Variants in STAU1 observed in about 807,000 individuals in gnomAD.
The protein encoded by STAU1 is staufen double-stranded RNA binding protein 1, also known as double-stranded RNA-binding protein Staufen homolog 1.
Under a neutral mutation model 62.9 loss-of-function variants are expected in STAU1, and 13 were observed. The ratio of observed to expected loss-of-function variants is 0.21; its 90% CI spans 0.13 to 0.33. STAU1 has a LOEUF of 0.33. STAU1 is among the 10% of genes least tolerant of loss of function. The probability of loss-of-function intolerance (pLI) is 1.00; values close to 1 mark genes in which losing one functional copy is unlikely to be tolerated. For synonymous variants in STAU1, 269 were observed against 265.1 expected (o/e 1.01, Z -0.14); for missense variants, 571 against 712.1 (o/e 0.80, Z 2.25).
the STAU1 span, among the ~76,000 whole-genome samples, chr20:49,194,006 G>A: frequency 1.3e-5 from 2 of 152,028 alleles, no homozygotes; most frequent in African/African-American, 4.8e-5. Context: ...AAATTGGTGA[G>A]GAAAAGATAG....
intron 1 of STAU1, among the ~76,000 whole-genome samples, chr20:49,183,779 G>A (rs1401261930): frequency 2.6e-5 from 4 of 152,104 alleles, no homozygotes; most frequent in Non-Finnish European, 5.9e-5. Flanking sequence ...TAGGTTCTTG[G>A]AAACTGAGAC....
the STAU1 span, among the ~76,000 whole-genome samples, chr20:49,202,230 A>AAAAGAAAGAAAGAAATAAAG: frequency 7.7e-6 from 1 of 130,366 alleles, no homozygotes; most frequent in African/African-American, 2.9e-5. Flanking sequence ...AAAAAAAAAA[A>AAAAGAAAGAAAGAAATAAAG]AAAGAAAGAA....
chr20:49,204,636 A>ATG, the STAU1 span, among the ~76,000 whole-genome samples: 1 of 55,948 alleles, frequency 1.8e-5, no homozygotes. Context: ...GTATATATAT[A>ATG]TATATATATA....
Position 49,129,630 on chromosome 20 carries a change from CTTTTTTT to C in STAU1, c.610-5050_610-5044del, listed in dbSNP as rs558925613. On this transcript the variant is annotated intron_variant, in intron 6 of 13. Coordinates refer to ENST00000371856, the MANE Select transcript of STAU1 (RefSeq NM_017453.4). ...TCTGGTTTAGAAAACAGTTTGGCAA[CTTTTTTT>C]TTTTTTTTTTTTTTTTTGAGACAGT... is the stretch of plus-strand genomic sequence containing the variant. Among the ~76,000 whole-genome samples, 143 of 96,674 alleles carry C rather than the reference CTTTTTTT, an allele frequency of 1.5e-3. 1 individual carries two copies. The highest frequency in any genetic ancestry group is 5.8e-3 in the African/African-American group (131 of 22,578). The allele number at this position is 96,674 out of a possible 152,430, so 63.4% of individuals were successfully genotyped here. A position where few individuals can be genotyped will look rare whatever the true frequency, so the allele number is the denominator to read the frequency against.
rs1222860350 is a variant in STAU1, at chr20:49,114,870, G to A, written c.*8C>T. 6.2e-7 allele frequency: 1 copy of A among 1,613,350 alleles called. No individual in the cohort carries two copies. The highest frequency in any genetic ancestry group is 1.7e-5 in the Admixed American group (1 of 59,972). On this transcript the variant is annotated 3_prime_UTR_variant, in exon 14 of 14. Transcript: ENST00000371856. ...GGGATTTTATAATGGTTCATGGCCA[G>A]AAAAGGTTCAGCACCTCCCACACCT...
intron 3 of STAU1, chr20:49,158,418 A>G: frequency 7.7e-7 from 1 of 1,304,348 alleles, no homozygotes; most frequent in Non-Finnish European, 1.0e-6. Context: ...TTGGTGCCTT[A>G]AGGGGTGAGG....
chr20:49,159,465 AAAGTTAATAAAGG>A, intron 3 of STAU1, among the ~76,000 whole-genome samples: 1 of 152,360 alleles, frequency 6.6e-6, no homozygotes, highest in African/African-American at 2.4e-5. Context: ...AATATAATAA[AAAGTTAATAAAGG>A]GAATCCCGAA....
At chr20:49,204,811 G>A in the STAU1 span, among the ~76,000 whole-genome samples, 1 of 151,012 alleles carries the variant, frequency 6.6e-6, no homozygotes, top group East Asian at 1.9e-4. Flanking sequence ...ACCATGCCTG[G>A]CTAATTTTTT....
intron 4 of STAU1, among the ~76,000 whole-genome samples, chr20:49,153,250 A>AG (rs977321548): frequency 7.8e-5 from 8 of 102,922 alleles, no homozygotes; most frequent in African/African-American, 2.1e-4. Flanking sequence ...ACTCCGTCTC[A>AG]GAAAAAAAAA....
chr20:49,182,904 T>C (rs1329765186), intron 1 of STAU1, among the ~76,000 whole-genome samples: 1 of 151,418 alleles, frequency 6.6e-6, no homozygotes, highest in Non-Finnish European at 1.5e-5. Context: ...AAATAGAAAG[T>C]AGATGGTATC....
intron 6 of STAU1, among the ~76,000 whole-genome samples, chr20:49,126,850 T>A (rs1000273264): frequency 1.3e-5 from 2 of 151,600 alleles, no homozygotes; most frequent in Admixed American, 6.6e-5. Flanking sequence ...TAACTAGGTA[T>A]CTGCATGGAG....
intron 3 of STAU1, among the ~76,000 whole-genome samples, chr20:49,159,801 A>G (rs764134395): frequency 3.9e-5 from 6 of 152,292 alleles, no homozygotes; most frequent in Non-Finnish European, 7.4e-5. Context: ...ACCTCAAGTG[A>G]TCTGTCGGCC....
intron 1 of STAU1, among the ~76,000 whole-genome samples, chr20:49,176,548 A>T (rs2093662480): frequency 6.6e-6 from 1 of 152,096 alleles, no homozygotes; most frequent in Admixed American, 6.6e-5. Context: ...AACAGGCAAT[A>T]AAAAATTGCT....
At chr20:49,189,435 G>A (rs1482714257), upstream of STAU1, among the ~76,000 whole-genome samples, 1 of 151,184 alleles carries the variant, frequency 6.6e-6, no homozygotes, top group Non-Finnish European at 1.5e-5. Context: ...AGGAGTTCGA[G>A]ACCAGCCTGA....
intron 2 of STAU1, among the ~76,000 whole-genome samples, chr20:49,167,660 G>C (rs911183781): frequency 2.6e-5 from 4 of 152,176 alleles, no homozygotes. Context: ...AACAAGTCCA[G>C]AACCATTCAG....
the STAU1 span, chr20:49,219,260 C>A: frequency 1.6e-6 from 2 of 1,287,782 alleles, no homozygotes; most frequent in South Asian, 1.5e-5. Flanking sequence ...CCCTTGATGG[C>A]GTCACACGAA....
chr20:49,115,600 C>A (rs2092301114), intron 13 of STAU1, among the ~76,000 whole-genome samples, 182 bp downstream of exon 13: 1 of 152,200 alleles, frequency 6.6e-6, no homozygotes, highest in African/African-American at 2.4e-5. Flanking sequence ...TGTTCCCAGC[C>A]TCAAAATGTC....
intron 7 of STAU1, among the ~76,000 whole-genome samples, chr20:49,124,168 C>T (rs1051918912): frequency 2.6e-5 from 4 of 152,304 alleles, no homozygotes; most frequent in South Asian, 2.1e-4. Flanking sequence ...TGTGTGTGCC[C>T]GTCTGCGGGT....
intron 5 of STAU1, among the ~76,000 whole-genome samples, chr20:49,143,382 A>G (rs1350537498): frequency 6.6e-6 from 1 of 152,180 alleles, no homozygotes; most frequent in Admixed American, 6.5e-5. Context: ...ACTTGAGCCC[A>G]GGAGTTCAAA....
Sources: allele counts gnomAD v4.1 joint callset (sites outside exome capture counted in the v4.1 genomes callset), GRCh38; gene constraint gnomAD v4.1.1; transcripts MANE v1.5; gene names NCBI Gene and HGNC (gene_info 2026-07-23, HGNC 2026-07-21).